Variants in RBP7 observed in about 807,000 individuals in gnomAD.
RBP7 encodes the protein retinoid-binding protein 7.
Under a neutral mutation model 16.7 loss-of-function variants are expected in RBP7, and 13 were observed. That is an observed-to-expected ratio of 0.78 (90% CI 0.51 to 1.24). RBP7 has a LOEUF of 1.24. Ranked by LOEUF, RBP7 falls within the 50% of genes most tolerant of loss-of-function variation. RBP7 has a pLI of 0.00. For synonymous variants in RBP7, 54 were observed against 56.2 expected, an observed-to-expected ratio of 0.96 and a Z score of 0.17; for missense variants, 145 against 159.5, an observed-to-expected ratio of 0.91 and a Z score of 0.49.
At chr1:10,005,352 C>T (rs1330377167) in intron 1 of RBP7, among the ~76,000 whole-genome samples, 1 of 152,010 alleles carries the variant, frequency 6.6e-6, no homozygotes, top group Non-Finnish European at 1.5e-5. Flanking sequence ...TGTGAGCCAC[C>T]ATGCCCAGCC....
intron 1 of RBP7, among the ~76,000 whole-genome samples, chr1:9,999,192 T>C (rs1214051982): frequency 6.6e-6 from 1 of 152,154 alleles, no homozygotes; most frequent in Non-Finnish European, 1.5e-5. Context: ...CCTTCTGCCA[T>C]GATTTTGAGG....
At position 10,012,336 on chromosome 1, in the gene RBP7, A is replaced by T. The variant is rs191952844; in HGVS notation, c.355-3446A>T. On this transcript the variant is annotated intron_variant, in intron 3 of 3. Coordinates refer to ENST00000294435, the MANE Select transcript of RBP7 (RefSeq NM_052960.3). ...GCAGAGGTTGCAGTGAGCCAAGATC[A>T]TGCCACTGCACTCCAGCCTGGGGGA... 1.2e-3 allele frequency among the ~76,000 whole-genome samples: 177 copies of T among 151,386 alleles called. 1 individual carries two copies. Among genetic ancestry groups the T allele is most frequent in the African/African-American group, 4.2e-3 (172 of 41,304 alleles).
intron 1 of RBP7, among the ~76,000 whole-genome samples, chr1:10,003,181 C>T (rs1248650690): frequency 1.3e-5 from 2 of 152,144 alleles, no homozygotes; most frequent in East Asian, 1.9e-4. Context: ...AATCCCAGCA[C>T]TTTGGGAGGC....
intron 3 of RBP7, among the ~76,000 whole-genome samples, chr1:10,013,834 G>A (rs998202681): frequency 6.6e-6 from 1 of 151,772 alleles, no homozygotes; most frequent in African/African-American, 2.4e-5. Context: ...AAATTAGCTG[G>A]GCATGGTGAT....
At chr1:10,000,518 C>A (rs111272864) in intron 1 of RBP7, among the ~76,000 whole-genome samples, 4,038 of 150,790 alleles carry the variant, frequency 0.027, 66 homozygotes, top group African/African-American at 0.036. Context: ...TGGGCAACAG[C>A]ATGAGACTTG....
At chr1:10,008,139 G>A in intron 2 of RBP7, 34 bp from the exon 3 acceptor site, 1 of 1,390,296 alleles carries the variant, frequency 7.2e-7, no homozygotes, top group Non-Finnish European at 1.0e-6. Flanking sequence ...GATCCTGCCA[G>A]GACAAGCTAA....
At chr1:10,012,638 A>AG (rs1025365408) in intron 3 of RBP7, among the ~76,000 whole-genome samples, 7 of 151,412 alleles carry the variant, frequency 4.6e-5, no homozygotes, top group African/African-American at 1.7e-4. Context: ...AAAAAAAAAA[A>AG]AAAGAAAAGG....
chr1:10,013,666 C>T (rs151337860), intron 3 of RBP7, among the ~76,000 whole-genome samples: 5 of 151,812 alleles, frequency 3.3e-5, no homozygotes, highest in East Asian at 3.9e-4. Flanking sequence ...AAAAATTAGC[C>T]GGGTGTGGTG....
At chr1:10,013,369 A>G (rs923795102) in intron 3 of RBP7, among the ~76,000 whole-genome samples, 3 of 151,030 alleles carry the variant, frequency 2.0e-5, no homozygotes, top group African/African-American at 7.3e-5. Context: ...CACCGCGCCC[A>G]GCCACCATGA....
intron 3 of RBP7, among the ~76,000 whole-genome samples, chr1:10,013,537 A>C (rs1448311614): frequency 6.6e-6 from 1 of 151,988 alleles, no homozygotes. Context: ...GGCTGGGGGC[A>C]GTGGCTCATA....
chr1:10,002,906 G>A (rs1642319733), intron 1 of RBP7, among the ~76,000 whole-genome samples: 1 of 152,186 alleles, frequency 6.6e-6, no homozygotes, highest in South Asian at 2.1e-4. Context: ...AGTGAGGTAG[G>A]AGGCAGGGCT....
intron 3 of RBP7, among the ~76,000 whole-genome samples, chr1:10,012,747 A>G (rs1380496574): frequency 2.0e-5 from 3 of 151,962 alleles, no homozygotes; most frequent in African/African-American, 7.2e-5. Flanking sequence ...CAGCCTGGCC[A>G]GCATGGCGAA....
chr1:9,998,533 C>T (rs892380823), intron 1 of RBP7, among the ~76,000 whole-genome samples: 1 of 151,022 alleles, frequency 6.6e-6, no homozygotes, highest in Admixed American at 6.6e-5. Flanking sequence ...TCAGCCTCTC[C>T]GAGTAGCTGG....
intron 1 of RBP7, among the ~76,000 whole-genome samples, chr1:10,005,799 G>T (rs1642426419): frequency 6.6e-6 from 1 of 152,018 alleles, no homozygotes; most frequent in Non-Finnish European, 1.5e-5. Flanking sequence ...CTGACCTCAG[G>T]TGATCCACCT....
At chr1:10,008,311 G>A (rs1286241346) in intron 3 of RBP7, 37 bp downstream of exon 3, 1 of 1,380,352 alleles carries the variant, frequency 7.2e-7, no homozygotes, top group Non-Finnish European at 1.0e-6. Flanking sequence ...AGATGATACA[G>A]TATTAAAGGA....
chr1:9,999,605 C>CGTGAAAAT (rs1482338055), intron 1 of RBP7, among the ~76,000 whole-genome samples: 1 of 151,972 alleles, frequency 6.6e-6, no homozygotes. Context: ...TTATCAGCAG[C>CGTGAAAAT]GTGAAAATGG....
At position 10,007,764 on chromosome 1, in the gene RBP7, A is replaced by G; in HGVS notation, c.252+16A>G. 1 of 1,609,674 alleles carries G rather than the reference A, an allele frequency of 6.2e-7. No homozygotes were observed. Among genetic ancestry groups the G allele is most frequent in the Non-Finnish European group, 8.5e-7 (1 of 1,178,162 alleles). On this transcript the variant is annotated intron_variant, in intron 2 of 3. Transcript: ENST00000294435. ...AAAATGCAAGGTAAAATGTAAAGAA[A>G]TGCCAGGTGCGGTGGATTACGCTTG...
chr1:10,002,420 T>C (rs1642303084), intron 1 of RBP7, among the ~76,000 whole-genome samples: 1 of 152,084 alleles, frequency 6.6e-6, no homozygotes, highest in South Asian at 2.1e-4. Flanking sequence ...TATGGCCTTT[T>C]GGACTGTTGG....
At chr1:10,002,178 T>C (rs2101732878) in intron 1 of RBP7, among the ~76,000 whole-genome samples, 1 of 152,196 alleles carries the variant, frequency 6.6e-6, no homozygotes, top group African/African-American at 2.4e-5. Flanking sequence ...CACATTGCCT[T>C]GAGATTAGAA....
Sources: gnomAD v4.1 joint callset for allele counts (sites outside exome capture counted in the v4.1 genomes callset) on GRCh38, gnomAD v4.1.1 for gene constraint, MANE v1.5 for transcripts, NCBI Gene and HGNC (gene_info 2026-07-23, HGNC 2026-07-21) for gene names.